The following STAB2 variants were observed in gnomAD, a reference collection of about 807,000 sequenced individuals.
STAB2 encodes the protein stabilin 2.
A neutral mutation model predicts 338.1 loss-of-function variants in STAB2; 288 were observed. That is an observed-to-expected ratio of 0.85 (90% CI 0.77 to 0.94). The LOEUF is 0.94. Among genes scored for constraint, STAB2 ranks in the 40% least tolerant of loss-of-function variants. The pLI is 0.00. For missense variants in STAB2, 3,141 were observed against 3,210.1 expected (o/e 0.98, Z 0.52); for synonymous variants, 1,202 against 1,193.3 (o/e 1.01, Z -0.15).
At chr12:103,607,040 A>T (rs1957040053) in intron 3 of STAB2, among the ~76,000 whole-genome samples, 1 of 152,174 alleles carries the variant, frequency 6.6e-6, no homozygotes. Context: ...TGTCATTGTT[A>T]TCTTTGTTCC....
intron 7 of STAB2, 121 bp from the exon 8 acceptor site, chr12:103,637,895 A>G (rs1467638565): frequency 9.9e-7 from 1 of 1,011,308 alleles, no homozygotes; most frequent in African/African-American, 1.6e-5. Flanking sequence ...ATGAAAGGAA[A>G]TGTTTGTCTT....
intron 33 of STAB2, among the ~76,000 whole-genome samples, chr12:103,696,142 A>G (rs995362277): frequency 6.6e-6 from 1 of 152,102 alleles, no homozygotes; most frequent in Non-Finnish European, 1.5e-5. Flanking sequence ...AGGAAGCCCA[A>G]ACCCACAGGT....
In STAB2 at chr12:103,752,052, C is replaced by T. The variant is rs79081906; in HGVS notation, c.6581-1168C>T. 8.6e-3 allele frequency among the ~76,000 whole-genome samples: 1,314 copies of T among 152,290 alleles called. 42 individuals are homozygous for T. In the East Asian group the frequency reaches 0.096, roughly 11 times the overall value. On this transcript the variant is annotated intron_variant, in intron 60 of 68. Coordinates refer to ENST00000388887, the MANE Select transcript of STAB2 (RefSeq NM_017564.10). The stretch of plus-strand genomic sequence containing the variant: ...CCGATTTGGTAATGTGTGCAGCAGA[C>T]AGCCTTAAAATAACTCATACTGAGA...
chr12:103,757,477 T>C (rs1884217021), intron 63 of STAB2, among the ~76,000 whole-genome samples: 1 of 152,130 alleles, frequency 6.6e-6, no homozygotes, highest in Non-Finnish European at 1.5e-5. Context: ...ACGTCAATAG[T>C]ATTGAGTGCT....
chr12:103,649,385 C>A (rs189941493), intron 10 of STAB2, among the ~76,000 whole-genome samples: 1 of 152,152 alleles, frequency 6.6e-6, no homozygotes, highest in East Asian at 1.9e-4. Flanking sequence ...CCTAAAACAC[C>A]CTCATGTATT....
Position 103,631,675 on chromosome 12 carries a change from G to A in STAB2, c.565G>A (p.Gly189Ser), listed in dbSNP as rs1009296948. Residue 189 changes from glycine (G) to serine (S), a missense_variant, in exon 6 of 69, where the codon GGC (glycine) becomes AGC (serine). Gly to Ser is a moderately conservative substitution (Grantham distance 56). Transcript: ENST00000388887. ...CTGTGAGTGCTACTCTGCGTACACT[G>A]GCCCCAAGTGTGACAAGCGTAAGTA... Reference protein sequence around the residue: ...GTCECYSAYTGPKCDKPIPEC... With the variant: ...GTCECYSAYTSPKCDKPIPEC... 9 of 1,614,020 alleles carry A rather than the reference G, an allele frequency of 5.6e-6. No homozygotes were observed. Among genetic ancestry groups the A allele is most frequent in the Middle Eastern group, 1.6e-4 (1 of 6,084 alleles).
chr12:103,640,058 A>C, intron 8 of STAB2, 65 bp from the exon 9 acceptor site: 1 of 1,527,744 alleles, frequency 6.5e-7, no homozygotes, highest in Non-Finnish European at 8.8e-7. Context: ...TACAAATTAA[A>C]GAAGAATGCC....
chr12:103,758,690 G>A (rs1884314005), intron 64 of STAB2, among the ~76,000 whole-genome samples: 1 of 152,234 alleles, frequency 6.6e-6, no homozygotes, highest in African/African-American at 2.4e-5. Context: ...GGGGGGCAAA[G>A]GGCCAGGGGT....
chr12:103,637,065 C>A, intron 6 of STAB2, 46 bp from the exon 7 acceptor site: 1 of 1,539,416 alleles, frequency 6.5e-7, no homozygotes, highest in Non-Finnish European at 8.7e-7. Context: ...GTCTTAAGAA[C>A]TGGTTATTCT....
intron 52 of STAB2, among the ~76,000 whole-genome samples, 194 bp from the exon 53 acceptor site, chr12:103,737,440 T>C (rs1290014504): frequency 6.6e-6 from 1 of 152,208 alleles, no homozygotes; most frequent in African/African-American, 2.4e-5. Context: ...GAACAGTATC[T>C]GGCACATAAT....
At position 103,712,248 on chromosome 12, in the gene STAB2, A is replaced by G. The variant is rs565408190; in HGVS notation, c.4335-119A>G. ...ACTCTTCTCCCAAGCCTTAGGCAGG[A>G]CTTATGAGTGTCTCATGGGGGCAGG... On this transcript the variant is annotated intron_variant, in intron 40 of 68. Transcript: ENST00000388887. 25 of 797,592 alleles carry G rather than the reference A, an allele frequency of 3.1e-5. No individual in the cohort carries two copies. The African/African-American group carries it at 3.9e-4, about 12-fold the overall frequency. The allele number at this position is 797,592 out of a possible 1,614,324, so 49.4% of individuals were successfully genotyped here.
chr12:103,746,714 C>A lies in STAB2; in HGVS notation c.6244+10C>A. Reference sequence around the variant, plus strand: ...GGAATCACATGCACAGGTAAGCCACCTTTGTGCACAGGTGAAATAGCAGCA... The same window carrying A: ...GGAATCACATGCACAGGTAAGCCACATTTGTGCACAGGTGAAATAGCAGCA... On this transcript the variant is annotated intron_variant, in intron 58 of 68. Coordinates refer to ENST00000388887, the MANE Select transcript of STAB2 (RefSeq NM_017564.10). 2 of 1,612,350 alleles carry A rather than the reference C, an allele frequency of 1.2e-6. No individual in the cohort carries two copies. The highest frequency in any genetic ancestry group is 1.7e-6 in the Non-Finnish European group (2 of 1,178,912).
At position 103,725,040 on chromosome 12, in the gene STAB2, T is replaced by G. The variant is rs1219750527; in HGVS notation, c.4749T>G (p.Thr1583=). The part of the protein sequence containing the change: ...NHTGQVERTC[T]CKPNYIGDGF... ...CTGGGCAAGTAGAAAGGACTTGTAC[T>G]TGCAAGCCAAACTACATTGGAGATG... The change falls in exon 45 of 69, where the codon ACT becomes ACG. Residue 1583 remains threonine (T), a synonymous_variant. Transcript: ENST00000388887. 2 of 1,613,988 alleles carry G rather than the reference T, an allele frequency of 1.2e-6. No individual in the cohort carries two copies. The highest frequency in any genetic ancestry group is 1.6e-4 in the Middle Eastern group (1 of 6,062).
chr12:103,693,016 C>T, intron 31 of STAB2, 127 bp downstream of exon 31: 1 of 599,160 alleles, frequency 1.7e-6, no homozygotes, highest in East Asian at 3.1e-5. Flanking sequence ...GGTACTGTGC[C>T]TCATGACTTT....
chr12:103,647,629 T>C (rs1438248437), intron 9 of STAB2, among the ~76,000 whole-genome samples: 1 of 152,240 alleles, frequency 6.6e-6, no homozygotes, highest in African/African-American at 2.4e-5. Context: ...AGCTGAGTTT[T>C]AAAGTTTCAG....
intron 6 of STAB2, among the ~76,000 whole-genome samples, chr12:103,634,994 C>T (rs1293427619): frequency 2.0e-5 from 3 of 152,174 alleles, no homozygotes; most frequent in Non-Finnish European, 4.4e-5. Flanking sequence ...CCACTTTCTG[C>T]CAAAACTTCG....
In STAB2 at chr12:103,753,222, A is replaced by G. The variant is rs753336487; in HGVS notation, c.6583A>G (p.Thr2195Ala). Reference protein sequence around the residue: ...AKCVDLHFQDTTVGVFHLRSP... With the variant: ...AKCVDLHFQDATVGVFHLRSP... ...GATTCCTCCTCTTCCTCATCCAGAT[A>G]CCACTGTTGGGGTGTTCCATCTACG... The change falls in exon 61 of 69, where the codon ACC becomes GCC. Residue 2195 changes from threonine to alanine, a missense_variant and splice_region_variant. Thr to Ala is a moderately conservative substitution (Grantham distance 58). Coordinates refer to ENST00000388887, the MANE Select transcript of STAB2 (RefSeq NM_017564.10). 2.5e-6 allele frequency: 4 copies of G among 1,613,978 alleles called. No individual in the cohort carries two copies. The highest frequency in any genetic ancestry group is 3.4e-6 in the Non-Finnish European group (4 of 1,179,968).
chr12:103,715,821 A>T lies in STAB2; in HGVS notation c.4544A>T (p.Asn1515Ile). 6.2e-7 allele frequency: 1 copy of T among 1,614,050 alleles called. No homozygotes were observed. Among genetic ancestry groups the T allele is most frequent in the Non-Finnish European group, 8.5e-7 (1 of 1,179,976 alleles). Residue 1515 changes from asparagine (N) to isoleucine (I), a missense_variant, in exon 43 of 69, where the codon AAC becomes ATC. Asn to Ile is a moderately radical substitution (Grantham distance 149, BLOSUM62 -3). Transcript: ENST00000388887. ...TTGGCTTTTTGTTTTAAAGAAATCA[A>T]CCCGTGTTTGGAGAACCATGGTGGC... ...TGDGIVCLEINPCLENHGGCD... is the reference protein window; with the variant it reads ...TGDGIVCLEIIPCLENHGGCD...
At chr12:103,740,223 C>T (rs1882473370) in intron 54 of STAB2, among the ~76,000 whole-genome samples, 1 of 152,116 alleles carries the variant, frequency 6.6e-6, no homozygotes, top group African/African-American at 2.4e-5. Flanking sequence ...CTAGTAAAAC[C>T]TATAACAAAA....
Sources: allele counts gnomAD v4.1 joint callset (sites outside exome capture counted in the v4.1 genomes callset), GRCh38; gene constraint gnomAD v4.1.1; transcripts MANE v1.5; gene names NCBI Gene and HGNC (gene_info 2026-07-23, HGNC 2026-07-21).